The following PBK variants were observed in gnomAD, a reference collection of about 807,000 sequenced individuals.
The protein encoded by PBK is PDZ binding kinase.
Under a neutral mutation model 33.5 loss-of-function variants are expected in PBK, and 22 were observed. The observed-to-expected ratio is 0.66, with a 90% CI of 0.47 to 0.94. The LOEUF (loss-of-function observed/expected upper bound fraction) is 0.94, where lower values mean the gene tolerates loss of function less well. PBK is among the 40% of genes least tolerant of loss of function. PBK has a pLI of 0.00. For missense variants in PBK, 376 were observed against 383.4 expected (o/e 0.98, Z 0.16); for synonymous variants, 129 against 123.8 (o/e 1.04, Z -0.28).
At chr8:27,825,608 C>T (rs781383747) in intron 3 of PBK, among the ~76,000 whole-genome samples, 4 of 151,750 alleles carry the variant, frequency 2.6e-5, no homozygotes, top group Non-Finnish European at 5.9e-5. Context: ...ACCTGTAATA[C>T]AGAAGCAGGT....
At position 27,823,215 on chromosome 8, in the gene PBK, AAATT is replaced by A. The variant is rs780888298; in HGVS notation, c.153-14_153-11del. The A allele has an allele frequency of 6.8e-7, 1 of 1,476,378 alleles. No homozygotes were observed. Among genetic ancestry groups the A allele is most frequent in the African/African-American group, 1.4e-5 (1 of 69,930 alleles). The allele number at this position is 1,476,378 out of a possible 1,614,324, so 91.5% of individuals were successfully genotyped here. On this transcript the variant is annotated splice_polypyrimidine_tract_variant and intron_variant, in intron 3 of 7. Transcript: ENST00000301905. ...CAAACCTCTTGGAGATCTAAGAAAA[AAATT>A]CATTTAAAAAGGATAGAAAACAATA...
intron 5 of PBK, among the ~76,000 whole-genome samples, chr8:27,820,909 C>T (rs555158786): frequency 3.3e-4 from 50 of 151,034 alleles, no homozygotes; most frequent in Non-Finnish European, 6.2e-4. Context: ...CTGCAACCTC[C>T]GCCTCCTGGG....
rs372769127 is a variant in PBK, at chr8:27,833,140, T to C, written c.-20-7A>G. ...GTGAAAGCCACTCTCAGTCCTACGA[T>C]GAAAACAAATTGCAAGTTACACAGC... On this transcript the variant is annotated splice_polypyrimidine_tract_variant and splice_region_variant and intron_variant, in intron 1 of 7. Coordinates refer to ENST00000301905, the MANE Select transcript of PBK (RefSeq NM_018492.4). 3.4e-6 allele frequency: 5 copies of C among 1,465,814 alleles called. No individual in the cohort carries two copies. Among genetic ancestry groups the C allele is most frequent in the Non-Finnish European group, 4.7e-6 (5 of 1,069,542 alleles). The allele number at this position is 1,465,814 out of a possible 1,614,324, so 90.8% of individuals were successfully genotyped here.
intron 6 of PBK, among the ~76,000 whole-genome samples, chr8:27,812,944 AT>A (rs1472081516): frequency 6.6e-6 from 1 of 152,210 alleles, no homozygotes; most frequent in Non-Finnish European, 1.5e-5. Context: ...TAGAAATACC[AT>A]TTGACCCAGC....
chr8:27,817,847 G>C (rs1322113162), intron 6 of PBK, among the ~76,000 whole-genome samples: 1 of 152,072 alleles, frequency 6.6e-6, no homozygotes, highest in Admixed American at 6.5e-5. Context: ...AGACTTTCTA[G>C]AGCAGTATTG....
intron 6 of PBK, among the ~76,000 whole-genome samples, chr8:27,814,424 G>A (rs1233540311): frequency 6.6e-6 from 1 of 151,714 alleles, no homozygotes; most frequent in Admixed American, 6.6e-5. Context: ...CTTTTTTCTT[G>A]ATCAGTCTAG....
intron 1 of PBK, among the ~76,000 whole-genome samples, chr8:27,835,559 T>C (rs1425743229): frequency 6.6e-6 from 1 of 152,076 alleles, no homozygotes; most frequent in Admixed American, 6.6e-5. Flanking sequence ...TAAGATTTTT[T>C]TTTTTTTTTG....
chr8:27,831,933 G>T (rs1385902974), intron 2 of PBK, among the ~76,000 whole-genome samples: 1 of 151,882 alleles, frequency 6.6e-6, no homozygotes, highest in Non-Finnish European at 1.5e-5. Context: ...CCAATTTAAG[G>T]AGGAATAATA....
In PBK at chr8:27,814,600, T is replaced by C. The variant is rs553614750; in HGVS notation, c.596-3466A>G. On this transcript the variant is annotated intron_variant, in intron 6 of 7. Transcript: ENST00000301905. ...TCTAGATTAAATCAATGAACATAGGTCATTGATTTAGAACTTTCCTTTTTT... is the reference window on the plus strand; with the variant it reads ...TCTAGATTAAATCAATGAACATAGGCCATTGATTTAGAACTTTCCTTTTTT... 2.6e-3 allele frequency among the ~76,000 whole-genome samples: 397 copies of C among 152,252 alleles called. 7 individuals are homozygous for C. The highest frequency in any genetic ancestry group is 9.1e-3 in the African/African-American group (378 of 41,574).
chr8:27,816,357 ATT>A lies in PBK; in HGVS notation c.595+4206_595+4207del, dbSNP rs1491518101. 6.1e-3 allele frequency among the ~76,000 whole-genome samples: 812 copies of A among 132,486 alleles called. 7 individuals carry two copies. Among genetic ancestry groups the A allele is most frequent in the African/African-American group, 0.013 (447 of 34,158 alleles). 86.9% of individuals were successfully genotyped at this position (132,486 alleles called of 152,430 possible). On this transcript the variant is annotated intron_variant, in intron 6 of 7. Transcript: ENST00000301905. ...TTCATCGAATACTATATATATATATATTTATTTATTTATTTATTTATTTTAAT... is the reference window on the plus strand; with the variant it reads ...TTCATCGAATACTATATATATATATATATTTATTTATTTATTTATTTTAAT...
intron 6 of PBK, among the ~76,000 whole-genome samples, chr8:27,813,248 C>T (rs1313129310): frequency 6.6e-6 from 1 of 152,096 alleles, no homozygotes; most frequent in Admixed American, 6.5e-5. Context: ...TGTCCTGACT[C>T]ATAGGTGGGA....
At chr8:27,811,474 G>A (rs993681811) in intron 6 of PBK, 8 of 416,758 alleles carry the variant, frequency 1.9e-5, no homozygotes, top group Admixed American at 3.9e-5. Flanking sequence ...GCGTGACCTT[G>A]AGCAGATCAC....
intron 1 of PBK, among the ~76,000 whole-genome samples, chr8:27,836,643 C>G (rs921370131): frequency 6.6e-6 from 1 of 151,974 alleles, no homozygotes; most frequent in Admixed American, 6.6e-5. Flanking sequence ...AACCCTGGCG[C>G]GTAGAGTGTC....
At chr8:27,814,932 A>G (rs10503816) in intron 6 of PBK, among the ~76,000 whole-genome samples, 16,894 of 152,234 alleles carry the variant, frequency 0.11, 1,145 homozygotes, top group East Asian at 0.34. Context: ...AAACTCTTAC[A>G]GACAGAATAT....
intron 6 of PBK, among the ~76,000 whole-genome samples, chr8:27,819,086 G>A (rs1805871602): frequency 6.6e-6 from 1 of 152,004 alleles, no homozygotes; most frequent in African/African-American, 2.4e-5. Context: ...GAGTATCATC[G>A]CTTTAATTAC....
intron 6 of PBK, 90 bp from the exon 7 acceptor site, chr8:27,811,224 A>G (rs1055485804): frequency 3.6e-5 from 38 of 1,052,374 alleles, no homozygotes; most frequent in Non-Finnish European, 4.7e-5. Flanking sequence ...GATTTGAACA[A>G]GTAGTTCACA....
intron 3 of PBK, among the ~76,000 whole-genome samples, chr8:27,827,313 G>A (rs549501051): frequency 1.3e-5 from 2 of 152,258 alleles, no homozygotes; most frequent in Non-Finnish European, 2.9e-5. Flanking sequence ...TTTGGGAGGC[G>A]AAGGCGGGCA....
chr8:27,813,583 G>C (rs1805745023), intron 6 of PBK, among the ~76,000 whole-genome samples: 1 of 148,196 alleles, frequency 6.7e-6, no homozygotes, highest in South Asian at 2.1e-4. Context: ...CATAGCCACA[G>C]TCAAGCTAAT....
chr8:27,828,171 A>T lies in PBK; in HGVS notation c.86T>A (p.Ile29Asn), dbSNP rs1436068493. The T allele has an allele frequency of 1.3e-6, 2 of 1,573,928 alleles. No individual in the cohort carries two copies. Among genetic ancestry groups the T allele is most frequent in the East Asian group, 4.5e-5 (2 of 44,700 alleles). ...CTTCTGCATAAACGGAGAGGCCGGG[A>T]TATTTATAGTTGGAGTTGAACATAA... ...SVLCSTPTIN[I>N]PASPFMQKLG... The change falls in exon 3 of 8, where the codon ATC becomes AAC. Residue 29 changes from isoleucine (I) to asparagine (N), a missense_variant. Transcript: ENST00000301905.
Sources: gnomAD v4.1 joint callset for allele counts (sites outside exome capture counted in the v4.1 genomes callset) on GRCh38, gnomAD v4.1.1 for gene constraint, MANE v1.5 for transcripts, NCBI Gene and HGNC (gene_info 2026-07-23, HGNC 2026-07-21) for gene names.